Variants in SEMA6D observed in about 807,000 individuals in gnomAD.
The protein encoded by SEMA6D is semaphorin-6D.
SEMA6D carries 35 observed loss-of-function variants against 106.6 expected under a neutral mutation model. The ratio of observed to expected loss-of-function variants is 0.33; its 90% CI spans 0.25 to 0.44. The LOEUF is 0.44. Ranked by LOEUF, SEMA6D falls within the 20% of genes least tolerant of loss-of-function variation. The pLI is 1.00. For synonymous variants in SEMA6D, 499 were observed against 487.7 expected (o/e 1.02, Z -0.31); for missense variants, 1,185 against 1,345.9 (o/e 0.88, Z 1.87).
chr15:47,488,656 G>A (rs1221849454), intron 3 of SEMA6D, among the ~76,000 whole-genome samples: 1 of 152,174 alleles, frequency 6.6e-6, no homozygotes, highest in African/African-American at 2.4e-5. Context: ...TTGAGGAAGG[G>A]AGGGAGTTAG....
chr15:47,246,018 CCT>C (rs1237821992), intron 1 of SEMA6D, among the ~76,000 whole-genome samples: 1 of 152,068 alleles, frequency 6.6e-6, no homozygotes, highest in Non-Finnish European at 1.5e-5. Flanking sequence ...CGACCTTTCC[CCT>C]GTCTTTCGGA....
At chr15:47,313,606 C>T (rs1047920170) in intron 1 of SEMA6D, among the ~76,000 whole-genome samples, 1 of 152,074 alleles carries the variant, frequency 6.6e-6, no homozygotes, top group Non-Finnish European at 1.5e-5. Context: ...TCTCTGTTGC[C>T]TAGGCTGGAG....
intron 3 of SEMA6D, among the ~76,000 whole-genome samples, chr15:47,484,454 A>G (rs1434360836): frequency 6.6e-6 from 1 of 152,104 alleles, no homozygotes; most frequent in Non-Finnish European, 1.5e-5. Flanking sequence ...AACACCTCCT[A>G]TGTAACATCA....
At chr15:47,555,926 A>G (rs2045902931) in intron 3 of SEMA6D, among the ~76,000 whole-genome samples, 1 of 152,102 alleles carries the variant, frequency 6.6e-6, no homozygotes, top group Non-Finnish European at 1.5e-5. Flanking sequence ...ACAGAAAATC[A>G]TCCCATGGAA....
intron 2 of SEMA6D, among the ~76,000 whole-genome samples, chr15:47,414,764 A>C (rs2040905870): frequency 1.3e-5 from 2 of 152,180 alleles, no homozygotes; most frequent in African/African-American, 4.8e-5. Context: ...ACTGTTGAAC[A>C]GATAGACTTG....
intron 1 of SEMA6D, among the ~76,000 whole-genome samples, chr15:47,326,645 A>T (rs541460817): frequency 6.6e-6 from 1 of 152,358 alleles, no homozygotes; most frequent in East Asian, 1.9e-4. Context: ...GAAAGTGCCA[A>T]GCTAAAGCTC....
At chr15:47,356,027 T>G (rs1213780598) in intron 1 of SEMA6D, among the ~76,000 whole-genome samples, 1 of 152,190 alleles carries the variant, frequency 6.6e-6, no homozygotes, top group Non-Finnish European at 1.5e-5. Flanking sequence ...AGAGGGAAAT[T>G]CAGAGGAATC....
At chr15:47,693,642 A>C (rs2078636645) in intron 4 of SEMA6D, among the ~76,000 whole-genome samples, 1 of 152,092 alleles carries the variant, frequency 6.6e-6, no homozygotes, top group African/African-American at 2.4e-5. Context: ...AATTAAACTC[A>C]AATTTCTGTG....
intron 4 of SEMA6D, among the ~76,000 whole-genome samples, chr15:47,643,869 G>A (rs2077533904): frequency 6.6e-6 from 1 of 152,040 alleles, no homozygotes; most frequent in Non-Finnish European, 1.5e-5. Flanking sequence ...CTTCTATCTA[G>A]CTGTAATTTT....
At chr15:47,351,799 G>T (rs570727440) in intron 1 of SEMA6D, among the ~76,000 whole-genome samples, 2 of 152,298 alleles carry the variant, frequency 1.3e-5, no homozygotes, top group East Asian at 3.9e-4. Context: ...GAACTATCTG[G>T]TGAACAACTG....
chr15:47,593,171 G>A (rs111726179), intron 3 of SEMA6D, among the ~76,000 whole-genome samples: 2,679 of 152,140 alleles, frequency 0.018, 31 homozygotes, highest in Non-Finnish European at 0.027. Context: ...TTGGGAAGCC[G>A]AGGCGGGCGG....
chr15:47,428,224 C>T (rs2041408634), intron 2 of SEMA6D, among the ~76,000 whole-genome samples: 1 of 151,880 alleles, frequency 6.6e-6, no homozygotes, highest in South Asian at 2.1e-4. Flanking sequence ...ATTTATTTAG[C>T]ACATATTATA....
chr15:47,683,545 A>G (rs1021169255), intron 4 of SEMA6D, among the ~76,000 whole-genome samples: 1 of 152,196 alleles, frequency 6.6e-6, no homozygotes. Flanking sequence ...TGGAAAACTC[A>G]GTGCTTTTAT....
chr15:47,613,104 G>C (rs1214761007), intron 4 of SEMA6D, among the ~76,000 whole-genome samples: 2 of 152,142 alleles, frequency 1.3e-5, no homozygotes, highest in Non-Finnish European at 2.9e-5. Flanking sequence ...CTTCAAATAT[G>C]TACCTCTACA....
chr15:47,348,055 T>A (rs2038114944), intron 1 of SEMA6D, among the ~76,000 whole-genome samples: 1 of 152,176 alleles, frequency 6.6e-6, no homozygotes, highest in South Asian at 2.1e-4. Context: ...CAATAATAAT[T>A]TTTCCAGTCA....
chr15:47,593,896 GGGGAT>G (rs2076489458), intron 3 of SEMA6D, among the ~76,000 whole-genome samples: 1 of 152,166 alleles, frequency 6.6e-6, no homozygotes, highest in Non-Finnish European at 1.5e-5. Context: ...ACACCACCAA[GGGGAT>G]GGTGCTAAAC....
At position 47,370,683 on chromosome 15, in the gene SEMA6D, T is replaced by TAA. The variant is rs376454672; in HGVS notation, c.-238-41684_-238-41683dup. Among the ~76,000 whole-genome samples, 450 of 95,156 alleles carry TAA rather than the reference T, an allele frequency of 4.7e-3. 4 individuals carry two copies. The highest frequency in any genetic ancestry group is 0.012 in the African/African-American group (273 of 22,220). 62.4% of individuals were successfully genotyped at this position (95,156 alleles called of 152,430 possible). On this transcript the variant is annotated intron_variant, in intron 1 of 19. Coordinates refer to the SEMA6D transcript ENST00000558014. The stretch of plus-strand genomic sequence containing the variant: ...AACATGGTAAAGCGCCGTCTCTACT[T>TAA]AAAAAAAAAAAAAAAAAAAAAAAAA...
At chr15:47,378,034 C>T (rs1015465174) in intron 1 of SEMA6D, among the ~76,000 whole-genome samples, 2 of 152,072 alleles carry the variant, frequency 1.3e-5, no homozygotes, top group African/African-American at 4.8e-5. Flanking sequence ...ATACTTGAAC[C>T]GTGAAAGTAG....
In SEMA6D at chr15:47,273,892, G is replaced by A. The variant is rs548106280; in HGVS notation, c.-239+89474G>A. 4.6e-5 allele frequency among the ~76,000 whole-genome samples: 7 copies of A among 152,274 alleles called. No homozygotes were observed. The East Asian group carries it at 1.2e-3, about 25-fold the overall frequency. On this transcript the variant is annotated intron_variant, in intron 1 of 19. Coordinates refer to the SEMA6D transcript ENST00000558014. Reference sequence around the variant, plus strand: ...TGGAAAATAAGTGATAGGCATAGTGGGGAGTAAGAGAAACTTCTGCCAGTG... The same window carrying A: ...TGGAAAATAAGTGATAGGCATAGTGAGGAGTAAGAGAAACTTCTGCCAGTG...
Sources: allele counts gnomAD v4.1 joint callset (sites outside exome capture counted in the v4.1 genomes callset), GRCh38; gene constraint gnomAD v4.1.1; transcripts MANE v1.5; gene names NCBI Gene and HGNC (gene_info 2026-07-23, HGNC 2026-07-21).